The following ISM1 variants were observed in gnomAD, a reference collection of about 807,000 sequenced individuals.
ISM1 encodes isthmin 1.
A neutral mutation model predicts 46.3 loss-of-function variants in ISM1; 25 were observed. That is an observed-to-expected ratio of 0.54 (90% CI 0.39 to 0.75). The LOEUF is 0.75. Among genes scored for constraint, ISM1 ranks in the 30% least tolerant of loss-of-function variants. The pLI is 0.00. For synonymous variants in ISM1, 255 were observed against 256.7 expected (o/e 0.99, Z 0.06); for missense variants, 536 against 625.4 (o/e 0.86, Z 1.52).
chr20:13,265,072 T>G (rs1197564037), intron 1 of ISM1, among the ~76,000 whole-genome samples: 2 of 152,198 alleles, frequency 1.3e-5, no homozygotes, highest in Non-Finnish European at 2.9e-5. Context: ...TATTTAACTC[T>G]GTTATTTCAT....
chr20:13,267,969 T>C (rs62201512), intron 1 of ISM1, among the ~76,000 whole-genome samples: 10,070 of 152,240 alleles, frequency 0.066, 421 homozygotes, highest in Non-Finnish European at 0.1. Flanking sequence ...AATCTAACTG[T>C]CCTCCCTAAT....
At chr20:13,240,325 G>A (rs1463609650) in intron 1 of ISM1, among the ~76,000 whole-genome samples, 1 of 152,202 alleles carries the variant, frequency 6.6e-6, no homozygotes, top group Non-Finnish European at 1.5e-5. Flanking sequence ...GGGAGCAAAA[G>A]ATAGGGAATA....
rs572729658 is a variant in ISM1, at chr20:13,223,712, T to C, written c.138+1798T>C. Among the ~76,000 whole-genome samples the C allele has an allele frequency of 3.3e-5, 5 of 152,318 alleles. No individual in the cohort carries two copies. The South Asian group carries it at 1.0e-3, about 32-fold the overall frequency. ...AGTACAGTGACAGACTGAGGGAATT[T>C]CTATGCGGAAGTTGAAGATGCCACC... On this transcript the variant is annotated intron_variant, in intron 1 of 5. Transcript: ENST00000262487.
the ISM1 span, among the ~76,000 whole-genome samples, chr20:13,313,765 T>A: frequency 3.3e-5 from 5 of 152,052 alleles, no homozygotes; most frequent in African/African-American, 1.2e-4. Context: ...AAACTACAGT[T>A]TAAAGAAACA....
In ISM1 at chr20:13,277,858, A is replaced by G. The variant is rs183055691; in HGVS notation, c.379-1776A>G. Among the ~76,000 whole-genome samples the G allele has an allele frequency of 7.9e-5, 12 of 152,286 alleles. No individual in the cohort carries two copies. In the East Asian group the frequency reaches 1.9e-3, roughly 25 times the overall value. ...AAGTCACCCTCTTGACCATGTGTCCAGACTCCACAAAACCACAGCCCGGGC... is the reference window on the plus strand; with the variant it reads ...AAGTCACCCTCTTGACCATGTGTCCGGACTCCACAAAACCACAGCCCGGGC... On this transcript the variant is annotated intron_variant, in intron 2 of 5. Coordinates refer to ENST00000262487, the MANE Select transcript of ISM1 (RefSeq NM_080826.2).
At chr20:13,275,379 C>T (rs1418209046) in intron 2 of ISM1, among the ~76,000 whole-genome samples, 2 of 152,120 alleles carry the variant, frequency 1.3e-5, no homozygotes, top group African/African-American at 4.8e-5. Flanking sequence ...AGAGGAATGG[C>T]AGGTCTGGCT....
chr20:13,223,556 G>A (rs2039477494), intron 1 of ISM1, among the ~76,000 whole-genome samples: 1 of 152,166 alleles, frequency 6.6e-6, no homozygotes, highest in Non-Finnish European at 1.5e-5. Flanking sequence ...CTAAAGCAAG[G>A]TGATTATTGC....
chr20:13,230,997 G>T (rs1484564639), intron 1 of ISM1, among the ~76,000 whole-genome samples: 1 of 152,160 alleles, frequency 6.6e-6, no homozygotes, highest in Admixed American at 6.5e-5. Context: ...ACTTGATAAT[G>T]TACCCTTCTG....
At chr20:13,284,500 G>A (rs1378624851) in intron 3 of ISM1, among the ~76,000 whole-genome samples, 1 of 152,172 alleles carries the variant, frequency 6.6e-6, no homozygotes, top group East Asian at 1.9e-4. Flanking sequence ...TTCATTTTCT[G>A]CTCTGGGCAG....
intron 3 of ISM1, among the ~76,000 whole-genome samples, chr20:13,284,791 T>C (rs1402799414): frequency 1.3e-5 from 2 of 152,228 alleles, no homozygotes; most frequent in Non-Finnish European, 2.9e-5. Flanking sequence ...TGGCGAGTTC[T>C]ATGCCTAACT....
Position 13,230,746 on chromosome 20 carries a change from G to GAA in ISM1, c.138+8840_138+8841dup, listed in dbSNP as rs201769447. ...ACAAACAGCAAGGGAATGTGTTGTAGAAAAAAAAAGAAAAGAAAAGAAAAA... is the reference window on the plus strand; with the variant it reads ...ACAAACAGCAAGGGAATGTGTTGTAGAAAAAAAAAAAGAAAAGAAAAGAAAAA... On this transcript the variant is annotated intron_variant, in intron 1 of 5. Transcript: ENST00000262487. Among the ~76,000 whole-genome samples, 11 of 125,334 alleles carry GAA rather than the reference G, an allele frequency of 8.8e-5. 1 individual carries two copies. The highest frequency in any genetic ancestry group is 3.1e-4 in the Admixed American group (4 of 12,734). 82.2% of individuals were successfully genotyped at this position (125,334 alleles called of 152,430 possible). A position where few individuals can be genotyped will look rare whatever the true frequency, so the allele number is the denominator to read the frequency against.
At chr20:13,311,486 C>T in the ISM1 span, among the ~76,000 whole-genome samples, 4 of 152,150 alleles carry the variant, frequency 2.6e-5, no homozygotes, top group African/African-American at 9.7e-5. Flanking sequence ...TCTGCATCTT[C>T]ATGTTCATTG....
chr20:13,288,036 T>C (rs6078975), intron 3 of ISM1, among the ~76,000 whole-genome samples: 1 of 152,008 alleles, frequency 6.6e-6, no homozygotes, highest in Non-Finnish European at 1.5e-5. Flanking sequence ...GTCCATGTGA[T>C]GTCCCATAAT....
intron 1 of ISM1, among the ~76,000 whole-genome samples, chr20:13,224,938 C>T (rs566630648): frequency 2.0e-5 from 3 of 150,544 alleles, no homozygotes; most frequent in Admixed American, 1.3e-4. Context: ...CTCCACTTCC[C>T]GGGTTCATGC....
chr20:13,221,894 G>GCC lies in ISM1; in HGVS notation c.119_120dup (p.Ser41ProfsTer90). Reference sequence around the variant, plus strand: ...CGGGCCCGACGCGGCCGCGGGCAACGCCAGCCAAGCCCAGCTGCAGGTGAG... The same window carrying GCC: ...CGGGCCCGACGCGGCCGCGGGCAACGCCCCAGCCAAGCCCAGCTGCAGGTGAG... On this transcript the variant is annotated frameshift_variant, in exon 1 of 6. Coordinates refer to ENST00000262487, the MANE Select transcript of ISM1 (RefSeq NM_080826.2). LOFTEE classifies it high-confidence loss of function. The GCC allele has an allele frequency of 7.2e-7, 1 of 1,384,716 alleles. No homozygotes were observed. The highest frequency in any genetic ancestry group is 1.5e-5 in the African/African-American group (1 of 66,176). The allele number at this position is 1,384,716 out of a possible 1,614,324, so 85.8% of individuals were successfully genotyped here. A position where few individuals can be genotyped will look rare whatever the true frequency, so the allele number is the denominator to read the frequency against.
chr20:13,279,585 T>C (rs777036860), intron 2 of ISM1, 49 bp from the exon 3 acceptor site: 1 of 1,564,538 alleles, frequency 6.4e-7, no homozygotes, highest in Non-Finnish European at 8.7e-7. Flanking sequence ...TCATGTAGCT[T>C]GGAGGCTGTT....
intron 1 of ISM1, among the ~76,000 whole-genome samples, chr20:13,236,157 T>C (rs2039646663): frequency 2.0e-5 from 3 of 152,082 alleles, no homozygotes; most frequent in African/African-American, 7.2e-5. Context: ...TCTCTTAACC[T>C]TGTGATCCAC....
rs1239210792 is a variant in ISM1 at position 13,221,282 on chromosome 20, C to T, written c.-495C>T. 2.0e-3 allele frequency among the ~76,000 whole-genome samples: 300 copies of T among 146,936 alleles called. 2 individuals are homozygous for T. Among genetic ancestry groups the T allele is most frequent in the Middle Eastern group, 0.014 (4 of 280 alleles). On this transcript the variant is annotated 5_prime_UTR_variant, in exon 1 of 6. Coordinates refer to ENST00000262487, the MANE Select transcript of ISM1 (RefSeq NM_080826.2). ...TCCTCCTTCTCCTTCTCCTCCTCCT[C>T]CTCCCCGCGCTTCTCTGGCGGCCGC...
intron 3 of ISM1, among the ~76,000 whole-genome samples, chr20:13,280,544 T>C (rs1178186521): frequency 1.3e-5 from 2 of 152,214 alleles, no homozygotes; most frequent in Non-Finnish European, 2.9e-5. Flanking sequence ...AGAACTCAGC[T>C]CCACTCAGTC....
Sources: gnomAD v4.1 joint callset for allele counts (sites outside exome capture counted in the v4.1 genomes callset) on GRCh38, gnomAD v4.1.1 for gene constraint, MANE v1.5 for transcripts, NCBI Gene and HGNC (gene_info 2026-07-23, HGNC 2026-07-21) for gene names.